The following CHODL variants were observed in gnomAD, a reference collection of about 807,000 sequenced individuals.
CHODL encodes the protein chondrolectin, also known as transmembrane protein MT75.
A neutral mutation model predicts 34.5 loss-of-function variants in CHODL; 29 were observed. The ratio of observed to expected loss-of-function variants is 0.84; its 90% CI spans 0.63 to 1.15. The LOEUF (loss-of-function observed/expected upper bound fraction) is 1.15. Among genes scored for constraint, CHODL ranks in the 50% most tolerant of loss-of-function variants. CHODL has a pLI of 0.00. For synonymous variants in CHODL, 125 were observed against 116.1 expected, an observed-to-expected ratio of 1.08 and a Z score of -0.49; for missense variants, 332 against 332.5, an observed-to-expected ratio of 1.00 and a Z score of 0.01.
chr21:17,997,426 G>A (rs977033980), intron 1 of CHODL, among the ~76,000 whole-genome samples: 8 of 152,162 alleles, frequency 5.3e-5, no homozygotes, highest in African/African-American at 1.4e-4. Flanking sequence ...GTACTGCTAC[G>A]AGCCAACATC....
At chr21:18,110,835 G>A (rs999162641) in intron 2 of CHODL, among the ~76,000 whole-genome samples, 2 of 152,016 alleles carry the variant, frequency 1.3e-5, no homozygotes, top group African/African-American at 2.4e-5. Context: ...AATCCACCAA[G>A]GATTTTCATT....
chr21:18,005,190 T>G (rs8127924), intron 1 of CHODL, among the ~76,000 whole-genome samples: 28,419 of 152,194 alleles, frequency 0.19, 3,764 homozygotes, highest in African/African-American at 0.37. Context: ...GCTCTGCCAC[T>G]TCCTTGCACC....
chr21:18,060,709 CAA>C (rs71318121), intron 2 of CHODL, among the ~76,000 whole-genome samples: 11 of 121,292 alleles, frequency 9.1e-5, no homozygotes, highest in African/African-American at 9.8e-5. Flanking sequence ...CTCCTCGGAC[CAA>C]AAAAAAAAAA....
At chr21:18,225,515 A>G (rs927558050) in intron 2 of CHODL, among the ~76,000 whole-genome samples, 30 of 152,160 alleles carry the variant, frequency 2.0e-4, no homozygotes, top group Admixed American at 3.3e-4. Flanking sequence ...TATTGTTAAC[A>G]TAAATAAAGT....
At chr21:18,178,154 A>T (rs114526566) in intron 2 of CHODL, among the ~76,000 whole-genome samples, 1,772 of 152,270 alleles carry the variant, frequency 0.012, 20 homozygotes, top group African/African-American at 0.029. Flanking sequence ...TATAGTTCAA[A>T]TTATACTTTG....
intron 2 of CHODL, among the ~76,000 whole-genome samples, chr21:18,057,011 A>C (rs149165961): frequency 6.6e-6 from 1 of 152,096 alleles, no homozygotes; most frequent in East Asian, 1.9e-4. Flanking sequence ...AGGGACTGCA[A>C]TGTAGAGTTT....
At chr21:18,028,269 T>C (rs1437815316) in intron 2 of CHODL, among the ~76,000 whole-genome samples, 13 of 79,460 alleles carry the variant, frequency 1.6e-4, no homozygotes, top group African/African-American at 7.0e-4. Flanking sequence ...TTTTTCTTTT[T>C]CCTTTTCCCC....
chr21:18,178,036 C>T (rs1234289746), intron 2 of CHODL, among the ~76,000 whole-genome samples: 4 of 152,196 alleles, frequency 2.6e-5, no homozygotes, highest in Admixed American at 6.5e-5. Context: ...TTGAGAAATT[C>T]GCTTGGGATA....
intron 2 of CHODL, among the ~76,000 whole-genome samples, chr21:18,239,367 T>G (rs2074059931): frequency 6.6e-6 from 1 of 152,098 alleles, no homozygotes. Flanking sequence ...AGAAACGATG[T>G]ATGAAAGAGC....
chr21:18,171,308 G>A lies in CHODL; in HGVS notation c.-44-85201G>A, dbSNP rs368284593. Among the ~76,000 whole-genome samples the A allele has an allele frequency of 2.9e-3, 410 of 141,356 alleles. 2 individuals carry two copies. The highest frequency in any genetic ancestry group is 5.0e-3 in the Non-Finnish European group (332 of 66,180). 92.7% of individuals were successfully genotyped at this position (141,356 alleles called of 152,430 possible). Reference sequence around the variant, plus strand: ...TGCAAGCTCCGCCTCCCGGGTTCACGCCATTCTCCTGCCTCAGCCTCCCGA... The same window carrying A: ...TGCAAGCTCCGCCTCCCGGGTTCACACCATTCTCCTGCCTCAGCCTCCCGA... On this transcript the variant is annotated intron_variant, in intron 2 of 6. Transcript: ENST00000400127.
chr21:18,046,924 C>T lies in CHODL; in HGVS notation c.-45+18953C>T, dbSNP rs73891131. Among the ~76,000 whole-genome samples the T allele has an allele frequency of 6.1e-3, 931 of 151,796 alleles. 14 individuals carry two copies. The highest frequency in any genetic ancestry group is 0.019 in the African/African-American group (808 of 41,454). On this transcript the variant is annotated intron_variant, in intron 2 of 6. Coordinates refer to the CHODL transcript ENST00000400127. ...GTTCCATAAGCCAAGCTAATTTTCA[C>T]GTCTCCATATTTGCTATTTCTACAC...
intron 2 of CHODL, among the ~76,000 whole-genome samples, chr21:18,228,019 A>G (rs2073946326): frequency 6.6e-6 from 1 of 152,260 alleles, no homozygotes; most frequent in South Asian, 2.1e-4. Context: ...TCAGTTTTTT[A>G]TCTTTTGACT....
chr21:17,942,499 T>C (rs1266379784), intron 1 of CHODL, among the ~76,000 whole-genome samples: 1 of 152,208 alleles, frequency 6.6e-6, no homozygotes, highest in Non-Finnish European at 1.5e-5. Flanking sequence ...GAACTGTGAG[T>C]CCATTAAACT....
intron 2 of CHODL, among the ~76,000 whole-genome samples, chr21:18,145,971 G>T (rs1373295656): frequency 7.5e-5 from 11 of 146,294 alleles, no homozygotes; most frequent in African/African-American, 3.0e-4. Context: ...TTTTGTTGTT[G>T]TTGTTGTTGT....
chr21:18,069,385 A>T (rs1430414199), intron 2 of CHODL, among the ~76,000 whole-genome samples: 2 of 152,012 alleles, frequency 1.3e-5, no homozygotes, highest in Non-Finnish European at 2.9e-5. Context: ...TATAAATACC[A>T]CCAAATACAC....
intron 1 of CHODL, among the ~76,000 whole-genome samples, chr21:17,921,104 T>A (rs1246380319): frequency 1.3e-5 from 2 of 152,154 alleles, no homozygotes; most frequent in African/African-American, 2.4e-5. Context: ...ACAGATTTAT[T>A]ATAAGAAATT....
intron 2 of CHODL, among the ~76,000 whole-genome samples, chr21:18,185,274 T>A (rs2073427460): frequency 6.6e-6 from 1 of 152,196 alleles, no homozygotes; most frequent in Non-Finnish European, 1.5e-5. Flanking sequence ...CATGCAGTGT[T>A]TGCTTTTCTG....
At chr21:18,188,771 C>T (rs188424632) in intron 2 of CHODL, among the ~76,000 whole-genome samples, 172 of 152,256 alleles carry the variant, frequency 1.1e-3, no homozygotes, top group African/African-American at 3.8e-3. Flanking sequence ...GAGAGAGGCT[C>T]TCTAAGAAAA....
chr21:18,106,646 C>T (rs979333574), intron 2 of CHODL, among the ~76,000 whole-genome samples: 1 of 151,986 alleles, frequency 6.6e-6, no homozygotes, highest in Non-Finnish European at 1.5e-5. Context: ...AGTTGCCCAC[C>T]ACCACACCTG....
Sources: gnomAD v4.1 joint callset for allele counts (sites outside exome capture counted in the v4.1 genomes callset) on GRCh38, gnomAD v4.1.1 for gene constraint, MANE v1.5 for transcripts, NCBI Gene and HGNC (gene_info 2026-07-23, HGNC 2026-07-21) for gene names.